Variants in FMN2 observed in about 807,000 individuals in gnomAD.
FMN2 encodes formin-2.
A neutral mutation model predicts 142.3 loss-of-function variants in FMN2; 51 were observed. That is an observed-to-expected ratio of 0.36 (90% confidence interval 0.29 to 0.45). The LOEUF is 0.45. Among genes scored for constraint, FMN2 ranks in the 20% least tolerant of loss-of-function variants. The pLI is 1.00. For missense variants in FMN2, 1,936 were observed against 2,122.8 expected, an observed-to-expected ratio of 0.91 and a Z score of 1.73; for synonymous variants, 882 against 869.8, an observed-to-expected ratio of 1.01 and a Z score of -0.25.
intron 2 of FMN2, chr1:240,144,648 C>T: frequency 7.8e-7 from 1 of 1,288,678 alleles, no homozygotes; most frequent in Non-Finnish European, 1.1e-6. Flanking sequence ...ACTGAGTTCT[C>T]AGGCTCAGAC....
chr1:240,209,393 G>GGCGCCCGCCACC (rs1666590062), intron 5 of FMN2, among the ~76,000 whole-genome samples: 1 of 151,502 alleles, frequency 6.6e-6, no homozygotes, highest in South Asian at 2.1e-4. Flanking sequence ...TGGGACTACA[G>GGCGCCCGCCACC]GCGCCCGCCA....
At chr1:240,289,593 T>C (rs1221769752) in intron 7 of FMN2, among the ~76,000 whole-genome samples, 1 of 151,934 alleles carries the variant, frequency 6.6e-6, no homozygotes, top group Non-Finnish European at 1.5e-5. Context: ...GATGAGAAGA[T>C]TGCTTGAACC....
chr1:240,214,283 G>A (rs903215640), intron 6 of FMN2, among the ~76,000 whole-genome samples: 1 of 152,104 alleles, frequency 6.6e-6, no homozygotes, highest in Non-Finnish European at 1.5e-5. Context: ...CGGGTGTGGT[G>A]GCTCACGCCT....
intron 2 of FMN2, among the ~76,000 whole-genome samples, chr1:240,140,612 A>T (rs1663139900): frequency 6.8e-6 from 1 of 147,092 alleles, no homozygotes; most frequent in Admixed American, 6.8e-5. Flanking sequence ...TTACTTCATG[A>T]TATTTACAGG....
At chr1:240,121,716 C>T (rs1320506902) in intron 1 of FMN2, among the ~76,000 whole-genome samples, 5 of 105,562 alleles carry the variant, frequency 4.7e-5, no homozygotes, top group African/African-American at 2.0e-4. Flanking sequence ...GCCTCTCTTG[C>T]CTTTTTTTAG....
At chr1:240,448,558 G>T (rs1475356753) in intron 16 of FMN2, among the ~76,000 whole-genome samples, 1 of 152,166 alleles carries the variant, frequency 6.6e-6, no homozygotes, top group African/African-American at 2.4e-5. Flanking sequence ...GCACACGCTT[G>T]TATCCCCAGC....
In FMN2 at chr1:240,329,482, CAAAG is replaced by C; in HGVS notation, c.4437+16_4437+19del. ...AAATTGTGTGAGGTGAGTTCTGGTC[CAAAG>C]AGAGCTGAACTTGAGTCTCATTTAA... On this transcript the variant is annotated intron_variant, in intron 10 of 17. Transcript: ENST00000319653. 1.9e-6 allele frequency: 3 copies of C among 1,609,936 alleles called. No homozygotes were observed. The highest frequency in any genetic ancestry group is 2.5e-6 in the Non-Finnish European group (3 of 1,178,812).
At chr1:240,349,964 T>TA (rs150818093) in intron 13 of FMN2, among the ~76,000 whole-genome samples, 21,727 of 151,916 alleles carry the variant, frequency 0.14, 1,691 homozygotes, top group African/African-American at 0.19. Context: ...ATTTTTTTTT[T>TA]TTATTTACAT....
chr1:240,456,089 A>C (rs1676235480), intron 16 of FMN2, among the ~76,000 whole-genome samples: 1 of 152,060 alleles, frequency 6.6e-6, no homozygotes, highest in African/African-American at 2.4e-5. Flanking sequence ...GTCATTTTCT[A>C]CCTGATTATG....
intron 14 of FMN2, among the ~76,000 whole-genome samples, chr1:240,360,004 C>T (rs1279805631): frequency 6.6e-6 from 1 of 152,190 alleles, no homozygotes; most frequent in Non-Finnish European, 1.5e-5. Flanking sequence ...CATCTCTTTG[C>T]TTTCTCCATA....
chr1:240,228,345 GAAAA>G (rs1222638702), intron 6 of FMN2, among the ~76,000 whole-genome samples: 4 of 49,434 alleles, frequency 8.1e-5, no homozygotes, highest in African/African-American at 4.9e-4. Context: ...AAAAGAAAAA[GAAAA>G]AGAAAGAAAA....
At chr1:240,331,668 A>G (rs1056491048) in intron 11 of FMN2, among the ~76,000 whole-genome samples, 27 of 152,182 alleles carry the variant, frequency 1.8e-4, no homozygotes, top group African/African-American at 6.5e-4. Context: ...TTATATACAG[A>G]TGCTTCTCAA....
intron 8 of FMN2, among the ~76,000 whole-genome samples, chr1:240,328,037 A>T (rs942793606): frequency 6.6e-6 from 1 of 150,798 alleles, no homozygotes; most frequent in Non-Finnish European, 1.5e-5. Context: ...AATCCCAGCT[A>T]CTTAGGAGGC....
rs1327611211 is a variant in FMN2 at position 240,412,745 on chromosome 1, G to A, written c.4910+20183G>A. On this transcript the variant is annotated intron_variant, in intron 15 of 17. Transcript: ENST00000319653. ...CCTTTCTTGATTCCTGAATTTGGGA[G>A]GGTAGGAGATGGGAAATGCAATGCT... is the stretch of plus-strand genomic sequence containing the variant. Among the ~76,000 whole-genome samples, 4 of 152,122 alleles carry A rather than the reference G, an allele frequency of 2.6e-5. No individual in the cohort carries two copies. The South Asian group carries it at 6.2e-4, about 24-fold the overall frequency.
chr1:240,350,540 T>A (rs1177481767), intron 13 of FMN2, among the ~76,000 whole-genome samples: 1 of 152,196 alleles, frequency 6.6e-6, no homozygotes, highest in African/African-American at 2.4e-5. Context: ...ATAATATAAT[T>A]AACAGCTTTT....
At chr1:240,310,205 C>G (rs913089347) in intron 8 of FMN2, among the ~76,000 whole-genome samples, 29 of 152,180 alleles carry the variant, frequency 1.9e-4, no homozygotes, top group African/African-American at 7.0e-4. Flanking sequence ...TGGCATTCCA[C>G]TTCTTATCCT....
chr1:240,241,226 G>A (rs1247772311), intron 6 of FMN2, among the ~76,000 whole-genome samples: 1 of 142,608 alleles, frequency 7.0e-6, no homozygotes, highest in South Asian at 2.2e-4. Flanking sequence ...TTCAACTCTG[G>A]ATTTTTTTTT....
At chr1:240,187,225 G>A (rs1330156503) in intron 3 of FMN2, among the ~76,000 whole-genome samples, 13 of 141,488 alleles carry the variant, frequency 9.2e-5, no homozygotes, top group African/African-American at 2.7e-4. Context: ...AGCCAAGATC[G>A]CGCCGTTGCA....
At position 240,241,134 on chromosome 1, in the gene FMN2, C is replaced by A. The variant is rs563992032; in HGVS notation, c.4066-16811C>A. 3.3e-5 allele frequency among the ~76,000 whole-genome samples: 5 copies of A among 151,978 alleles called. No homozygotes were observed. In the South Asian group the frequency reaches 6.2e-4, roughly 19 times the overall value. On this transcript the variant is annotated intron_variant, in intron 6 of 17. Coordinates refer to ENST00000319653, the MANE Select transcript of FMN2 (RefSeq NM_020066.5). The stretch of plus-strand genomic sequence containing the variant: ...CTGTGAAATTTAGAAATGCAACCTG[C>A]TAGAATAAAAACTTTAATAAAATAT...
Sources: allele counts gnomAD v4.1 joint callset (sites outside exome capture counted in the v4.1 genomes callset), GRCh38; gene constraint gnomAD v4.1.1; transcripts MANE v1.5; gene names NCBI Gene and HGNC (gene_info 2026-07-23, HGNC 2026-07-21).